AKIP1: variants seen among roughly 807,000 people sequenced by gnomAD.
The protein encoded by AKIP1 is A-kinase interacting protein 1.
AKIP1 carries 18 observed loss-of-function variants against 22.3 expected under a neutral mutation model. The observed-to-expected ratio is 0.81, with a 90% CI of 0.56 to 1.19. The LOEUF is 1.19. Among genes scored for constraint, AKIP1 ranks in the 50% most tolerant of loss-of-function variants. AKIP1 has a pLI of 0.00. For synonymous variants in AKIP1, 120 were observed against 102.7 expected (o/e 1.17, Z -1.02); for missense variants, 287 against 264.6 (o/e 1.08, Z -0.59).
rs1209334962 is a variant in AKIP1 at position 8,912,462 on chromosome 11, A to G, written c.232A>G (p.Arg78Gly). The G allele has an allele frequency of 2.5e-6, 4 of 1,613,862 alleles. No individual in the cohort carries two copies. The Admixed American group carries it at 5.0e-5, about 20-fold the overall frequency. Residue 78 changes from arginine to glycine, a missense_variant, in exon 3 of 6, where the codon AGA becomes GGA. By Grantham distance (125) the Arg-to-Gly change is moderately radical (BLOSUM62 -2). Transcript: ENST00000309377. ...CCATTTATTCAAATAGAGAGAAGAG[A>G]GACCCCCAACCCTTAGTGCTTCCTT... ...QRVLPGEREERPPTLSASFRT... is the reference protein window; with the variant it reads ...QRVLPGEREEGPPTLSASFRT...
At chr11:8,917,481 G>C in intron 5 of AKIP1, 114 bp downstream of exon 5, 4 of 853,626 alleles carry the variant, frequency 4.7e-6, no homozygotes, top group Non-Finnish European at 7.8e-6. Context: ...TTTAAGTTGA[G>C]ATGTTCTTAC....
Position 8,911,227 on chromosome 11 carries a change from A to AG in AKIP1, c.-7+9dup, listed in dbSNP as rs2064330040. ...TGCGCCTTGACGAGTGAGCCGGGTGAGGGGGCTCCCTAAGTAGCGGAAGGG... is the reference window on the plus strand; with the variant it reads ...TGCGCCTTGACGAGTGAGCCGGGTGAGGGGGGCTCCCTAAGTAGCGGAAGGG... On this transcript the variant is annotated splice_donor_region_variant and intron_variant, in intron 1 of 5. Transcript: ENST00000309377. 1 of 557,854 alleles carries AG rather than the reference A, an allele frequency of 1.8e-6. No individual in the cohort carries two copies. Among genetic ancestry groups the AG allele is most frequent in the African/African-American group, 1.9e-5 (1 of 52,642 alleles). The allele number at this position is 557,854 out of a possible 1,614,324, so 34.6% of individuals were successfully genotyped here.
chr11:8,917,532 T>G lies in AKIP1; in HGVS notation c.489+165T>G, dbSNP rs368373945. 1.2e-3 allele frequency: 784 copies of G among 632,946 alleles called. 10 individuals are homozygous for G. Among genetic ancestry groups the G allele is most frequent in the South Asian group, 0.01 (557 of 53,972 alleles). The allele number at this position is 632,946 out of a possible 1,614,324, so 39.2% of individuals were successfully genotyped here. ...ACAAGATTTTGGTTCAGTGTAAAAT[T>G]AGGTTTTCTTGGTATTCTTCCTTCA... On this transcript the variant is annotated intron_variant, in intron 5 of 5. Transcript: ENST00000309377.
In AKIP1 at chr11:8,912,434, G is replaced by C; in HGVS notation, c.223-19G>C. 1.9e-6 allele frequency: 3 copies of C among 1,601,128 alleles called. No homozygotes were observed. The highest frequency in any genetic ancestry group is 2.6e-6 in the Non-Finnish European group (3 of 1,168,230). ...GGGAATCCTAGAGCTAACCTGTGACGTGCCATTTATTCAAATAGAGAGAAG... is the reference window on the plus strand; with the variant it reads ...GGGAATCCTAGAGCTAACCTGTGACCTGCCATTTATTCAAATAGAGAGAAG... On this transcript the variant is annotated intron_variant, in intron 2 of 5. Coordinates refer to ENST00000309377, the MANE Select transcript of AKIP1 (RefSeq NM_020642.4).
chr11:8,911,212 C>T lies in AKIP1; in HGVS notation c.-18C>T. On this transcript the variant is annotated 5_prime_UTR_variant, in exon 1 of 6. It adds an upstream start codon to the 5' untranslated region. Transcript: ENST00000309377. ...ATAGCGTTGCGCGCATGCGCCTTGACGAGTGAGCCGGGTGAGGGGGCTCCC... is the reference window on the plus strand; with the variant it reads ...ATAGCGTTGCGCGCATGCGCCTTGATGAGTGAGCCGGGTGAGGGGGCTCCC... The T allele has an allele frequency of 1.8e-6, 1 of 541,218 alleles. No homozygotes were observed. The highest frequency in any genetic ancestry group is 3.3e-6 in the Non-Finnish European group (1 of 305,486). The allele number at this position is 541,218 out of a possible 1,614,324, so 33.5% of individuals were successfully genotyped here. A position where few individuals can be genotyped will look rare whatever the true frequency, so the allele number is the denominator to read the frequency against.
chr11:8,911,285 G>T (rs2064333733), intron 1 of AKIP1, 62 bp downstream of exon 1: 2 of 638,880 alleles, frequency 3.1e-6, no homozygotes, highest in African/African-American at 1.8e-5. Context: ...GGCGCGCTAG[G>T]CCTAGTCCTG....
chr11:8,911,701 A>C (rs537380063), intron 2 of AKIP1, 30 bp downstream of exon 2: 1 of 1,472,098 alleles, frequency 6.8e-7, no homozygotes, highest in South Asian at 1.4e-5. Context: ...GGGCCGCCCC[A>C]GTCCTTCGCG....
chr11:8,911,224 G>T lies in AKIP1; in HGVS notation c.-7+1G>T. 1.8e-6 allele frequency: 1 copy of T among 561,986 alleles called. No homozygotes were observed. Among genetic ancestry groups the T allele is most frequent in the South Asian group, 2.3e-5 (1 of 43,986 alleles). The allele number at this position is 561,986 out of a possible 1,614,324, so 34.8% of individuals were successfully genotyped here. ...GCATGCGCCTTGACGAGTGAGCCGG[G>T]TGAGGGGGCTCCCTAAGTAGCGGAA... is the stretch of plus-strand genomic sequence containing the variant. On this transcript the variant is annotated splice_donor_variant, in intron 1 of 5. Coordinates refer to ENST00000309377, the MANE Select transcript of AKIP1 (RefSeq NM_020642.4). LOFTEE classifies it low-confidence loss of function (5UTR_SPLICE).
chr11:8,919,270 G>T (rs183034114), intron 5 of AKIP1, 67 bp from the exon 6 acceptor site: 9 of 1,498,974 alleles, frequency 6.0e-6, no homozygotes, highest in East Asian at 4.5e-5. Context: ...CAGGTAGCCT[G>T]CTGGGGGGCC....
At chr11:8,911,714 G>T (rs1471743336) in intron 2 of AKIP1, 43 bp downstream of exon 2, 1 of 1,457,336 alleles carries the variant, frequency 6.9e-7, no homozygotes, top group East Asian at 2.4e-5. Context: ...CCTTCGCGCC[G>T]CGGTAGCCCG....
Position 8,911,657 on chromosome 11 carries a change from G to T in AKIP1, c.208G>T (p.Val70Phe), listed in dbSNP as rs757426316. Residue 70 changes from valine to phenylalanine, a missense_variant, in exon 2 of 6, where the codon GTT (valine) becomes TTT (phenylalanine). Physicochemically the swap from Val to Phe is conservative, Grantham distance 50. Transcript: ENST00000309377. ...EKQPAAGPQR[V>F]LPGEREERPP... Reference sequence around the variant, plus strand: ...ACAGCCGGCAGCCGGCCCGCAGCGCGTTCTCCCGGGAGAGGTGAGGGTCGC... The same window carrying T: ...ACAGCCGGCAGCCGGCCCGCAGCGCTTTCTCCCGGGAGAGGTGAGGGTCGC... 1.3e-6 allele frequency: 2 copies of T among 1,561,112 alleles called. No homozygotes were observed. The highest frequency in any genetic ancestry group is 1.7e-6 in the Non-Finnish European group (2 of 1,156,288).
Position 8,919,474 on chromosome 11 carries a change from T to G in AKIP1, c.627T>G (p.Pro209=). The G allele has an allele frequency of 6.2e-7, 1 of 1,612,854 alleles. No individual in the cohort carries two copies. ...GACAAAGCGTGGACCTGGTCTTCCC[T>G]GTGTGATGTTGACCATCACTGCCAT... The part of the protein sequence containing the change: ...DSGQSVDLVF[P]V The change falls in exon 6 of 6, where the codon CCT becomes CCG. Residue 209 remains proline (P), a synonymous_variant. Coordinates refer to ENST00000309377, the MANE Select transcript of AKIP1 (RefSeq NM_020642.4).
At chr11:8,917,217 A>G (rs2064498602) in intron 4 of AKIP1, 70 bp from the exon 5 acceptor site, 2 of 1,037,148 alleles carry the variant, frequency 1.9e-6, no homozygotes, top group Non-Finnish European at 2.8e-6. Flanking sequence ...AATAAGGTAG[A>G]AGAGAACTTC....
At chr11:8,917,683 A>G (rs1191952265) in intron 5 of AKIP1, 1 of 444,516 alleles carries the variant, frequency 2.2e-6, no homozygotes, top group Non-Finnish European at 4.0e-6. Context: ...GAATTCCACC[A>G]TCTGTTCAAG....
chr11:8,919,423 G>T lies in AKIP1; in HGVS notation c.576G>T (p.Lys192Asn). The change falls in exon 6 of 6, where the codon AAG (lysine) becomes AAT (asparagine). Residue 192 changes from lysine to asparagine, a missense_variant. By Grantham distance (94) the Lys-to-Asn change is moderately conservative. Coordinates refer to ENST00000309377, the MANE Select transcript of AKIP1 (RefSeq NM_020642.4). ...VTVGSNDLTK[K>N]THVVAVDSGQ... The stretch of plus-strand genomic sequence containing the variant: ...TGGGCTCAAATGACTTAACCAAGAA[G>T]ACTCATGTGGTAGCAGTTGATTCTG... The T allele has an allele frequency of 6.2e-7, 1 of 1,614,182 alleles. No homozygotes were observed. The highest frequency in any genetic ancestry group is 8.5e-7 in the Non-Finnish European group (1 of 1,180,022).
rs4910158 is a variant in AKIP1, at chr11:8,919,713, T to C, written c.*233T>C. 0.39 allele frequency: 152,409 copies of C among 386,922 alleles called. 32,109 individuals are homozygous for C. Among genetic ancestry groups the C allele is most frequent in the Non-Finnish European group, 0.44 (94,077 of 215,328 alleles). The allele number at this position is 386,922 out of a possible 1,614,324, so 24.0% of individuals were successfully genotyped here. ...GTGCAGTGGCGTGATCTCGGCTCAC[T>C]GCAAGTTCCGCCTCCCGGGTTCACA... On this transcript the variant is annotated 3_prime_UTR_variant, in exon 6 of 6. Coordinates refer to ENST00000309377, the MANE Select transcript of AKIP1 (RefSeq NM_020642.4).
chr11:8,912,322 AT>A, intron 2 of AKIP1, 130 bp from the exon 3 acceptor site: 1 of 700,656 alleles, frequency 1.4e-6, no homozygotes, highest in Non-Finnish European at 2.5e-6. Context: ...TTCTTTCTCA[AT>A]AACATCGTTC....
In AKIP1 at chr11:8,914,879, T is replaced by C. The variant is rs762849274; in HGVS notation, c.357T>C (p.Tyr119=). Residue 119 remains tyrosine, a synonymous_variant, in exon 4 of 6, where the codon TAT becomes TAC. Transcript: ENST00000309377. The stretch of plus-strand genomic sequence containing the variant: ...GAGGGGCAACCCATGTCTATCGTTA[T>C]CACAGAGGCGAGTCGAAGCTGCACA... ...EEGGATHVYR[Y]HRGESKLHMC... 4.3e-6 allele frequency: 7 copies of C among 1,613,954 alleles called. No homozygotes were observed. The highest frequency in any genetic ancestry group is 1.3e-5 in the African/African-American group (1 of 74,934).
chr11:8,911,497 T>C lies in AKIP1; in HGVS notation c.48T>C (p.Arg16=). The C allele has an allele frequency of 6.2e-7, 1 of 1,608,096 alleles. No individual in the cohort carries two copies. The highest frequency in any genetic ancestry group is 8.5e-7 in the Non-Finnish European group (1 of 1,177,614). ...AAAALNGVDR[R]SLQRSARLAL... ...CAGCGCTGAATGGGGTGGACCGACG[T>C]TCCCTGCAGCGTTCAGCAAGGCTGG... The change falls in exon 2 of 6, where the codon CGT becomes CGC. Residue 16 remains arginine, a synonymous_variant. Coordinates refer to ENST00000309377, the MANE Select transcript of AKIP1 (RefSeq NM_020642.4).
Sources: gnomAD v4.1 joint callset for allele counts on GRCh38, gnomAD v4.1.1 for gene constraint, MANE v1.5 for transcripts, NCBI Gene and HGNC (gene_info 2026-07-23, HGNC 2026-07-21) for gene names.